SLC4A10: variants seen among roughly 807,000 people sequenced by gnomAD.
SLC4A10 encodes sodium-driven chloride bicarbonate exchanger.
SLC4A10 carries 42 observed loss-of-function variants against 137.7 expected under a neutral mutation model. The ratio of observed to expected loss-of-function variants is 0.30; its 90% CI spans 0.24 to 0.39. The LOEUF is 0.39. SLC4A10 is among the 10% of genes least tolerant of loss of function. SLC4A10 has a pLI of 1.00. For synonymous variants in SLC4A10, 474 were observed against 464.1 expected (o/e 1.02, Z -0.27); for missense variants, 925 against 1,355.0 (o/e 0.68, Z 4.98).
At chr2:161,757,077 A>G (rs1164522469) in intron 1 of SLC4A10, among the ~76,000 whole-genome samples, 1 of 152,160 alleles carries the variant, frequency 6.6e-6, no homozygotes, top group African/African-American at 2.4e-5. Context: ...ATTGAGTAAG[A>G]TGGACATAAA....
At chr2:161,846,658 A>T (rs1158394963) in intron 4 of SLC4A10, among the ~76,000 whole-genome samples, 3 of 152,184 alleles carry the variant, frequency 2.0e-5, no homozygotes, top group Non-Finnish European at 2.9e-5. Flanking sequence ...GGAACAAACT[A>T]CTGATACACA....
intron 2 of SLC4A10, 148 bp from the exon 3 acceptor site, chr2:161,804,301 A>C: frequency 1.4e-6 from 1 of 729,808 alleles, no homozygotes; most frequent in Non-Finnish European, 2.1e-6. Context: ...GCCAAAAGAC[A>C]GTGCCACGCT....
intron 15 of SLC4A10, among the ~76,000 whole-genome samples, chr2:161,927,462 C>A (rs1446719702): frequency 2.6e-5 from 4 of 152,074 alleles, no homozygotes; most frequent in African/African-American, 9.7e-5. Context: ...TAGGCATGGG[C>A]AAGGACTTCA....
intron 2 of SLC4A10, among the ~76,000 whole-genome samples, chr2:161,787,483 A>T (rs2053754959): frequency 6.6e-6 from 1 of 151,998 alleles, no homozygotes; most frequent in Non-Finnish European, 1.5e-5. Context: ...GATCAGGGAA[A>T]TTTTTCTGAA....
At chr2:161,765,281 A>T (rs963540553) in intron 1 of SLC4A10, among the ~76,000 whole-genome samples, 1 of 152,112 alleles carries the variant, frequency 6.6e-6, no homozygotes, top group Non-Finnish European at 1.5e-5. Flanking sequence ...ACTGTCCTAT[A>T]TTACTTACCG....
intron 10 of SLC4A10, among the ~76,000 whole-genome samples, chr2:161,894,114 T>A (rs1451193536): frequency 6.6e-6 from 1 of 152,034 alleles, no homozygotes; most frequent in Non-Finnish European, 1.5e-5. Context: ...CCACTCCATT[T>A]TATGTAAGGA....
At chr2:161,945,182 GTATATATA>G (rs56159201) in intron 16 of SLC4A10, among the ~76,000 whole-genome samples, 7,568 of 87,818 alleles carry the variant, frequency 0.086, 501 homozygotes, top group East Asian at 0.15. Flanking sequence ...AAGTTTGTGT[GTATATATA>G]TATATATATA....
At chr2:161,939,774 A>G (rs552522452) in intron 15 of SLC4A10, among the ~76,000 whole-genome samples, 1 of 152,220 alleles carries the variant, frequency 6.6e-6, no homozygotes, top group African/African-American at 2.4e-5. Context: ...TAGATTTTCT[A>G]TAATTATAGA....
chr2:161,983,063 T>C (rs978006110), intron 26 of SLC4A10, 116 bp from the exon 27 acceptor site: 3 of 810,630 alleles, frequency 3.7e-6, no homozygotes, highest in African/African-American at 1.7e-5. Context: ...GAGAGAGCAA[T>C]GCCTACGGGC....
chr2:161,918,525 ATAT>A (rs1687541137), intron 15 of SLC4A10, among the ~76,000 whole-genome samples: 1 of 152,336 alleles, frequency 6.6e-6, no homozygotes, highest in South Asian at 2.1e-4. Flanking sequence ...AATTAAAATA[ATAT>A]TATGTGTATG....
intron 1 of SLC4A10, among the ~76,000 whole-genome samples, chr2:161,672,825 T>C (rs1455961537): frequency 3.3e-5 from 5 of 152,170 alleles, no homozygotes; most frequent in Non-Finnish European, 7.3e-5. Flanking sequence ...ATGATGTGAA[T>C]GGATTTTTGA....
intron 3 of SLC4A10, among the ~76,000 whole-genome samples, chr2:161,830,629 C>A (rs1229133147): frequency 6.6e-6 from 1 of 151,846 alleles, no homozygotes. Context: ...GAAAGCTATG[C>A]ATAAAGTTCA....
intron 1 of SLC4A10, among the ~76,000 whole-genome samples, chr2:161,669,924 AC>A (rs2039499721): frequency 6.6e-6 from 1 of 151,902 alleles, no homozygotes; most frequent in African/African-American, 2.4e-5. Flanking sequence ...GAAAACCGTG[AC>A]CTCTTTTTCA....
chr2:161,789,588 T>A (rs1264590722), intron 2 of SLC4A10, among the ~76,000 whole-genome samples: 1 of 152,180 alleles, frequency 6.6e-6, no homozygotes, highest in African/African-American at 2.4e-5. Context: ...AAGGCTACTA[T>A]ATCACTAGGT....
chr2:161,800,424 A>G (rs1014970295), intron 2 of SLC4A10, among the ~76,000 whole-genome samples: 3 of 152,020 alleles, frequency 2.0e-5, no homozygotes, highest in African/African-American at 7.2e-5. Flanking sequence ...ACTGTCAAGC[A>G]TTGTTCTAGG....
intron 1 of SLC4A10, among the ~76,000 whole-genome samples, chr2:161,647,655 A>G (rs947785044): frequency 4.6e-5 from 7 of 152,326 alleles, no homozygotes; most frequent in South Asian, 4.1e-4. Flanking sequence ...AAAAAGGGAA[A>G]ACTAGGTTGA....
At chr2:161,682,163 G>T (rs1271320679) in intron 1 of SLC4A10, among the ~76,000 whole-genome samples, 1 of 152,002 alleles carries the variant, frequency 6.6e-6, no homozygotes, top group Non-Finnish European at 1.5e-5. Context: ...ATTCCATGTC[G>T]AGTATGTTTA....
intron 1 of SLC4A10, among the ~76,000 whole-genome samples, chr2:161,760,277 TC>T (rs1317367246): frequency 2.0e-5 from 3 of 152,048 alleles, no homozygotes; most frequent in Non-Finnish European, 4.4e-5. Flanking sequence ...CTGTGTAATT[TC>T]TTTAGATCTT....
intron 2 of SLC4A10, among the ~76,000 whole-genome samples, chr2:161,801,347 A>G (rs1043728289): frequency 6.6e-6 from 1 of 151,384 alleles, no homozygotes; most frequent in Non-Finnish European, 1.5e-5. Context: ...TTTTTGCCCA[A>G]CTTCTCTCTT....
Sources: gnomAD v4.1 joint callset for allele counts (sites outside exome capture counted in the v4.1 genomes callset) on GRCh38, gnomAD v4.1.1 for gene constraint, MANE v1.5 for transcripts, NCBI Gene and HGNC (gene_info 2026-07-23, HGNC 2026-07-21) for gene names.